Variants in ADARB2 observed in about 807,000 individuals in gnomAD.
ADARB2 encodes adenosine deaminase RNA specific B2 (inactive).
In ADARB2, 25 loss-of-function variants were observed where a neutral mutation model predicts 62.2. The observed-to-expected ratio is 0.40, with a 90% CI of 0.29 to 0.56. The LOEUF (loss-of-function observed/expected upper bound fraction) is 0.56. ADARB2 is among the 20% of genes least tolerant of loss of function. The pLI, the probability that ADARB2 is intolerant of heterozygous loss-of-function variation, is 0.43. For missense variants in ADARB2, 1,071 were observed against 1,077.4 expected, an observed-to-expected ratio of 0.99 and a Z score of 0.08; for synonymous variants, 572 against 500.8, an observed-to-expected ratio of 1.14 and a Z score of -1.90.
chr10:1,612,577 A>G (rs1833585937), intron 1 of ADARB2, among the ~76,000 whole-genome samples: 1 of 152,240 alleles, frequency 6.6e-6, no homozygotes, highest in African/African-American at 2.4e-5. Flanking sequence ...TGAGAAAATT[A>G]GGGTTGAAAG....
At chr10:1,606,116 G>A (rs965015365) in intron 1 of ADARB2, among the ~76,000 whole-genome samples, 1 of 152,186 alleles carries the variant, frequency 6.6e-6, no homozygotes, top group African/African-American at 2.4e-5. Flanking sequence ...TGATTCCTGG[G>A]CTGGGTTTCA....
intron 5 of ADARB2, among the ~76,000 whole-genome samples, chr10:1,241,450 A>G (rs1270131630): frequency 6.6e-6 from 1 of 152,204 alleles, no homozygotes; most frequent in Admixed American, 6.5e-5. Flanking sequence ...GGGATGTGAA[A>G]GAGTAGACAG....
intron 7 of ADARB2, among the ~76,000 whole-genome samples, chr10:1,201,522 G>T (rs1836984246): frequency 6.6e-6 from 1 of 152,056 alleles, no homozygotes; most frequent in Non-Finnish European, 1.5e-5. Flanking sequence ...AGAGGGGTGA[G>T]GTCGGGCGCT....
intron 1 of ADARB2, among the ~76,000 whole-genome samples, chr10:1,537,571 A>G (rs1832349582): frequency 6.6e-6 from 1 of 152,204 alleles, no homozygotes. Context: ...CCAAATGCCC[A>G]TCAATGATAG....
chr10:1,645,877 T>G (rs186551073), intron 1 of ADARB2, among the ~76,000 whole-genome samples: 15 of 152,360 alleles, frequency 9.8e-5, no homozygotes, highest in African/African-American at 3.6e-4. Flanking sequence ...TTTATCAGGT[T>G]TATTCATTCA....
intron 1 of ADARB2, among the ~76,000 whole-genome samples, chr10:1,496,014 T>C (rs1215343449): frequency 6.6e-6 from 1 of 151,958 alleles, no homozygotes; most frequent in Non-Finnish European, 1.5e-5. Flanking sequence ...GTCATCATCA[T>C]CACCATCATT....
At position 1,222,490 on chromosome 10, in the gene ADARB2, C is replaced by T. The variant is rs911716913; in HGVS notation, c.1514-5371G>A. On this transcript the variant is annotated intron_variant, in intron 6 of 9. Transcript: ENST00000381312. The stretch of plus-strand genomic sequence containing the variant: ...GTGTTTTAGACATGAAGTCCTTGCC[C>T]ATGCCAATGTCCTGAATGGTATTGC... 3.5e-4 allele frequency among the ~76,000 whole-genome samples: 52 copies of T among 150,586 alleles called. 2 individuals carry two copies. Among genetic ancestry groups the T allele is most frequent in the African/African-American group, 1.3e-3 (51 of 39,882 alleles).
intron 3 of ADARB2, among the ~76,000 whole-genome samples, chr10:1,332,082 GA>G (rs1320192374): frequency 6.6e-6 from 1 of 152,196 alleles, no homozygotes; most frequent in Non-Finnish European, 1.5e-5. Flanking sequence ...CGAAGAAGTC[GA>G]AGTCTTAAAT....
chr10:1,319,709 TGCCAAG>T (rs1464003169), intron 3 of ADARB2, among the ~76,000 whole-genome samples: 1 of 152,230 alleles, frequency 6.6e-6, no homozygotes, highest in Admixed American at 6.5e-5. Flanking sequence ...TTGTCTTGAA[TGCCAAG>T]GCATTCTGTG....
At chr10:1,555,672 T>G (rs926541232) in intron 1 of ADARB2, among the ~76,000 whole-genome samples, 1 of 152,206 alleles carries the variant, frequency 6.6e-6, no homozygotes, top group Non-Finnish European at 1.5e-5. Flanking sequence ...CGGTGGCTCA[T>G]GCCTGTAATC....
intron 1 of ADARB2, among the ~76,000 whole-genome samples, chr10:1,385,800 C>A (rs1832520725): frequency 2.0e-5 from 3 of 152,130 alleles, no homozygotes; most frequent in Non-Finnish European, 2.9e-5. Context: ...ATCAAACTTA[C>A]ATAGAATAAA....
chr10:1,733,737 A>G (rs1378238674), intron 1 of ADARB2, among the ~76,000 whole-genome samples: 2 of 152,244 alleles, frequency 1.3e-5, no homozygotes, highest in East Asian at 3.8e-4. Flanking sequence ...ATTACTCTAT[A>G]TAACCACATA....
chr10:1,294,874 TAA>T (rs1238119349), intron 3 of ADARB2, among the ~76,000 whole-genome samples: 2 of 152,134 alleles, frequency 1.3e-5, no homozygotes, highest in East Asian at 3.9e-4. Context: ...TGGGGAGATT[TAA>T]AAACTGTCCC....
chr10:1,622,488 G>C (rs12358962), intron 1 of ADARB2, among the ~76,000 whole-genome samples: 23,995 of 152,050 alleles, frequency 0.16, 2,000 homozygotes, highest in Non-Finnish European at 0.19. Flanking sequence ...CTACAACTCA[G>C]TAATGACAAG....
chr10:1,249,704 TCTG>T (rs1031674999), intron 4 of ADARB2, among the ~76,000 whole-genome samples: 12 of 151,868 alleles, frequency 7.9e-5, no homozygotes, highest in African/African-American at 1.9e-4. Context: ...TTCAGGAACA[TCTG>T]CTGCAGCCAT....
chr10:1,448,960 A>G (rs1225854157), intron 1 of ADARB2, among the ~76,000 whole-genome samples: 1 of 152,134 alleles, frequency 6.6e-6, no homozygotes, highest in African/African-American at 2.4e-5. Context: ...ACACTGCACC[A>G]CAGGACACAC....
chr10:1,458,637 C>T (rs1033161862), intron 1 of ADARB2, among the ~76,000 whole-genome samples: 2 of 152,084 alleles, frequency 1.3e-5, no homozygotes, highest in East Asian at 3.9e-4. Flanking sequence ...TCTGGTCTGG[C>T]CTCTTTGCTT....
chr10:1,351,700 G>C (rs2820617), intron 3 of ADARB2, among the ~76,000 whole-genome samples: 88,830 of 151,504 alleles, frequency 0.59, 26,850 homozygotes, highest in East Asian at 0.93. Flanking sequence ...CCTAATCACC[G>C]TTACCCCACT....
chr10:1,569,611 A>G (rs2131991645), intron 1 of ADARB2, among the ~76,000 whole-genome samples: 1 of 152,296 alleles, frequency 6.6e-6, no homozygotes, highest in Admixed American at 6.5e-5. Context: ...GGAAGTAAGC[A>G]TTTCTATATT....
Sources: gnomAD v4.1 joint callset for allele counts (sites outside exome capture counted in the v4.1 genomes callset) on GRCh38, gnomAD v4.1.1 for gene constraint, MANE v1.5 for transcripts, NCBI Gene and HGNC (gene_info 2026-07-23, HGNC 2026-07-21) for gene names.